NKAIN2: variants seen among roughly 807,000 people sequenced by gnomAD.
NKAIN2 encodes sodium/potassium transporting ATPase interacting 2.
In NKAIN2, 14 loss-of-function variants were observed where a neutral mutation model predicts 32.6. The ratio of observed to expected loss-of-function variants is 0.43; its 90% CI spans 0.28 to 0.67. NKAIN2 has a LOEUF of 0.67. Ranked by LOEUF, NKAIN2 falls within the 30% of genes least tolerant of loss-of-function variation. The probability of loss-of-function intolerance (pLI) is 0.17; values close to 1 mark genes in which losing one functional copy is unlikely to be tolerated. For synonymous variants in NKAIN2, 80 were observed against 87.2 expected (o/e 0.92, Z 0.46); for missense variants, 198 against 258.3 (o/e 0.77, Z 1.60).
chr6:123,978,623 A>G (rs1315065963), intron 1 of NKAIN2, among the ~76,000 whole-genome samples: 5 of 152,160 alleles, frequency 3.3e-5, no homozygotes, highest in Admixed American at 6.6e-5. Flanking sequence ...ACAAAAGAAT[A>G]AAGTAACACA....
chr6:124,010,122 C>A (rs1780258164), intron 1 of NKAIN2, among the ~76,000 whole-genome samples: 1 of 152,108 alleles, frequency 6.6e-6, no homozygotes, highest in Non-Finnish European at 1.5e-5. Context: ...AGAGCAATGT[C>A]TTTGGTGAGA....
At chr6:124,412,152 C>G (rs182096569) in intron 3 of NKAIN2, among the ~76,000 whole-genome samples, 1 of 151,826 alleles carries the variant, frequency 6.6e-6, no homozygotes, top group African/African-American at 2.4e-5. Flanking sequence ...CGGAGTAGTT[C>G]GATCTTCTGA....
At position 124,721,752 on chromosome 6, in the gene NKAIN2, ACC is replaced by A. The variant is rs1210973225; in HGVS notation, c.474+63368_474+63369del. On this transcript the variant is annotated intron_variant, in intron 4 of 6. Transcript: ENST00000368417. ...TGAGAACAGTGGCAATGGCCCGTTC[ACC>A]CATTGGTGCCTCAATGTACTGTCAC... is the stretch of plus-strand genomic sequence containing the variant. Among the ~76,000 whole-genome samples the A allele has an allele frequency of 3.9e-5, 6 of 152,190 alleles. No individual in the cohort carries two copies. The East Asian group carries it at 1.2e-3, about 29-fold the overall frequency.
At chr6:124,180,638 G>A (rs892350478) in intron 1 of NKAIN2, among the ~76,000 whole-genome samples, 1 of 152,128 alleles carries the variant, frequency 6.6e-6, no homozygotes, top group Non-Finnish European at 1.5e-5. Flanking sequence ...ACTCATTTCA[G>A]CATTAAATCA....
chr6:124,776,686 T>A (rs1307653538), intron 4 of NKAIN2, among the ~76,000 whole-genome samples: 1 of 152,200 alleles, frequency 6.6e-6, no homozygotes, highest in Non-Finnish European at 1.5e-5. Context: ...ACTCTCTTAT[T>A]ATACACCGTA....
rs143758081 is a variant in NKAIN2 at position 123,879,960 on chromosome 6, G to T, written c.54+75706G>T. 4.3e-4 allele frequency among the ~76,000 whole-genome samples: 65 copies of T among 152,252 alleles called. No homozygotes were observed. The East Asian group carries it at 0.011, about 26-fold the overall frequency. ...AGCTCATGTTCTCCCTGGTGTCTTG[G>T]GGGAAGCCCAGGCTGGGGAGTCCCT... On this transcript the variant is annotated intron_variant, in intron 1 of 6. Transcript: ENST00000368417.
chr6:123,826,746 A>C (rs1019293435), intron 1 of NKAIN2, among the ~76,000 whole-genome samples: 4 of 152,158 alleles, frequency 2.6e-5, no homozygotes, highest in Non-Finnish European at 5.9e-5. Context: ...TTCATCCATC[A>C]GTGAACTCTT....
intron 4 of NKAIN2, among the ~76,000 whole-genome samples, chr6:124,680,813 G>C (rs998628001): frequency 1.3e-5 from 2 of 151,716 alleles, no homozygotes; most frequent in Admixed American, 6.6e-5. Flanking sequence ...TAAAGTGACC[G>C]TCCTTTCCCT....
intron 1 of NKAIN2, among the ~76,000 whole-genome samples, chr6:124,064,481 G>A (rs1168000561): frequency 6.6e-6 from 1 of 151,318 alleles, no homozygotes; most frequent in Non-Finnish European, 1.5e-5. Flanking sequence ...TTCATTCTGT[G>A]GGTTTTTTTT....
chr6:124,127,561 A>C (rs2114999677), intron 1 of NKAIN2, among the ~76,000 whole-genome samples: 1 of 152,308 alleles, frequency 6.6e-6, no homozygotes, highest in Admixed American at 6.5e-5. Flanking sequence ...CTGAGTTCAC[A>C]TGCCATATTT....
intron 3 of NKAIN2, among the ~76,000 whole-genome samples, chr6:124,403,247 G>A (rs1036539265): frequency 3.3e-5 from 5 of 151,768 alleles, no homozygotes; most frequent in South Asian, 2.1e-4. Flanking sequence ...GATGCTAAAC[G>A]TTCTCTTTTA....
chr6:123,972,162 A>G (rs1778375449), intron 1 of NKAIN2, among the ~76,000 whole-genome samples: 1 of 152,206 alleles, frequency 6.6e-6, no homozygotes, highest in Non-Finnish European at 1.5e-5. Flanking sequence ...TACATAATAC[A>G]TAGAATACAC....
intron 1 of NKAIN2, among the ~76,000 whole-genome samples, chr6:124,069,934 G>A (rs950951895): frequency 2.0e-5 from 3 of 152,164 alleles, no homozygotes; most frequent in Admixed American, 1.3e-4. Context: ...CATTTGTGAC[G>A]TTTTATACTT....
At chr6:124,692,989 C>T (rs1774332764) in intron 4 of NKAIN2, among the ~76,000 whole-genome samples, 1 of 152,160 alleles carries the variant, frequency 6.6e-6, no homozygotes, top group African/African-American at 2.4e-5. Context: ...GAACATTATG[C>T]ATCACAATGC....
intron 1 of NKAIN2, among the ~76,000 whole-genome samples, chr6:123,850,667 G>A (rs1314962991): frequency 6.6e-6 from 1 of 152,070 alleles, no homozygotes; most frequent in Non-Finnish European, 1.5e-5. Context: ...AACTTATTTT[G>A]AAATATGCAG....
chr6:124,343,695 A>T (rs1353621590), intron 2 of NKAIN2, among the ~76,000 whole-genome samples: 1 of 148,594 alleles, frequency 6.7e-6, no homozygotes, highest in African/African-American at 2.4e-5. Flanking sequence ...TTTTTCTTGT[A>T]AATTTGTTTG....
intron 1 of NKAIN2, among the ~76,000 whole-genome samples, chr6:124,198,163 C>A (rs745653469): frequency 6.6e-6 from 1 of 151,988 alleles, no homozygotes; most frequent in Non-Finnish European, 1.5e-5. Flanking sequence ...CCATGTACCA[C>A]GTGAAGGCTA....
intron 1 of NKAIN2, among the ~76,000 whole-genome samples, chr6:123,941,535 C>T (rs1776825009): frequency 2.0e-5 from 3 of 151,838 alleles, no homozygotes; most frequent in South Asian, 2.1e-4. Context: ...TATAATCTTA[C>T]GAGATCACCA....
intron 3 of NKAIN2, among the ~76,000 whole-genome samples, chr6:124,492,075 A>G (rs2325943): frequency 0.31 from 47,140 of 151,800 alleles, 8,044 homozygotes; most frequent in Middle Eastern, 0.4. Context: ...TAAAGGTAAA[A>G]GAAGACCTAT....
Sources: gnomAD v4.1 joint callset for allele counts (sites outside exome capture counted in the v4.1 genomes callset) on GRCh38, gnomAD v4.1.1 for gene constraint, MANE v1.5 for transcripts, NCBI Gene and HGNC (gene_info 2026-07-23, HGNC 2026-07-21) for gene names.